The following PDE4D variants were observed in gnomAD, a reference collection of about 807,000 sequenced individuals.
PDE4D encodes the protein 3',5'-cyclic-AMP phosphodiesterase 4D.
In PDE4D, 24 loss-of-function variants were observed where a neutral mutation model predicts 87.4. That is an observed-to-expected ratio of 0.27 (90% confidence interval 0.20 to 0.39). PDE4D has a LOEUF of 0.39. Ranked by LOEUF, PDE4D falls within the 10% of genes least tolerant of loss-of-function variation. The pLI, the probability that PDE4D is intolerant of heterozygous loss-of-function variation, is 1.00. For synonymous variants in PDE4D, 384 were observed against 383.2 expected (o/e 1.00, Z -0.02); for missense variants, 714 against 1,041.0 (o/e 0.69, Z 4.32).
intron 6 of PDE4D, among the ~76,000 whole-genome samples, chr5:58,996,447 T>A (rs747725376): frequency 6.6e-6 from 1 of 152,194 alleles, no homozygotes; most frequent in Admixed American, 6.5e-5. Flanking sequence ...AAAGTTGCTA[T>A]TAAGAACTAC....
rs1262136832 is a variant in PDE4D, at chr5:60,378,052, T to C, written c.-90+109890A>G. Among the ~76,000 whole-genome samples, 20 of 152,360 alleles carry C rather than the reference T, an allele frequency of 1.3e-4. 1 individual carries two copies. The highest frequency in any genetic ancestry group is 1.9e-4 in the East Asian group (1 of 5,182). On this transcript the variant is annotated intron_variant, in intron 1 of 16. Transcript: ENST00000502484. Reference sequence around the variant, plus strand: ...AATAGAACTATATTGTTTTGTCCAATGGGTGAATCATAATTGCCCAGTTGG... The same window carrying C: ...AATAGAACTATATTGTTTTGTCCAACGGGTGAATCATAATTGCCCAGTTGG...
At chr5:60,508,249 G>A (rs1004721737) in intron 1 of PDE4D, among the ~76,000 whole-genome samples, 1 of 152,276 alleles carries the variant, frequency 6.6e-6, no homozygotes, top group South Asian at 2.1e-4. Flanking sequence ...GACTCTAGTC[G>A]ATACCTGTTC....
chr5:59,830,158 T>A (rs1020869347), intron 1 of PDE4D, among the ~76,000 whole-genome samples: 6 of 152,068 alleles, frequency 3.9e-5, no homozygotes, highest in Middle Eastern at 3.4e-3. Flanking sequence ...TGTATTTGAG[T>A]TAATGACAAG....
chr5:59,307,892 C>T (rs1771726076), intron 1 of PDE4D, among the ~76,000 whole-genome samples: 2 of 151,922 alleles, frequency 1.3e-5, no homozygotes, highest in South Asian at 2.1e-4. Flanking sequence ...AATCATGCTG[C>T]TATAAAGACA....
At chr5:59,130,554 T>C (rs191366551) in intron 5 of PDE4D, among the ~76,000 whole-genome samples, 1 of 152,222 alleles carries the variant, frequency 6.6e-6, no homozygotes, top group African/African-American at 2.4e-5. Flanking sequence ...AGAAGCAAAT[T>C]ACAGCCATGA....
At chr5:59,272,797 C>G (rs925983309) in intron 1 of PDE4D, among the ~76,000 whole-genome samples, 11 of 152,046 alleles carry the variant, frequency 7.2e-5, no homozygotes, top group Non-Finnish European at 1.5e-4. Context: ...CATGAAATCC[C>G]ATTTAAAATG....
chr5:59,533,927 C>G (rs1814680302), intron 1 of PDE4D, among the ~76,000 whole-genome samples: 1 of 152,058 alleles, frequency 6.6e-6, no homozygotes, highest in African/African-American at 2.4e-5. Context: ...GCAATTAAGG[C>G]TAAGTCATAT....
intron 1 of PDE4D, among the ~76,000 whole-genome samples, chr5:60,385,746 T>C (rs1032572417): frequency 3.9e-5 from 6 of 152,214 alleles, no homozygotes; most frequent in Non-Finnish European, 8.8e-5. Context: ...CTCTGTTTTG[T>C]ACTTACTACT....
Position 60,059,040 on chromosome 5 carries a change from ATGTG to A in PDE4D, c.43-70327_43-70324del, listed in dbSNP as rs70975363. On this transcript the variant is annotated intron_variant, in intron 2 of 16. Transcript: ENST00000502484. ...TATCTATCTTTTTTGGCATTGTCATATGTGTGTGTGTGTGTGTGTGTGTGTGTGT... is the reference window on the plus strand; with the variant it reads ...TATCTATCTTTTTTGGCATTGTCATATGTGTGTGTGTGTGTGTGTGTGTGT... 3.4e-3 allele frequency among the ~76,000 whole-genome samples: 488 copies of A among 142,418 alleles called. 3 individuals are homozygous for A. Among genetic ancestry groups the A allele is most frequent in the African/African-American group, 0.011 (440 of 38,582 alleles). 93.4% of individuals were successfully genotyped at this position (142,418 alleles called of 152,430 possible).
intron 1 of PDE4D, among the ~76,000 whole-genome samples, chr5:59,349,292 T>C (rs1009040797): frequency 6.6e-6 from 1 of 151,848 alleles, no homozygotes; most frequent in Non-Finnish European, 1.5e-5. Flanking sequence ...ATAATGGAAG[T>C]TAGGAGGAGG....
At chr5:60,425,836 A>G (rs956530749) in intron 1 of PDE4D, among the ~76,000 whole-genome samples, 3 of 152,246 alleles carry the variant, frequency 2.0e-5, no homozygotes, top group Non-Finnish European at 4.4e-5. Flanking sequence ...CAAGTTTACA[A>G]GAAAAAAACA....
chr5:60,092,022 G>C (rs1050890494), intron 2 of PDE4D, among the ~76,000 whole-genome samples: 1 of 125,738 alleles, frequency 8.0e-6, no homozygotes, highest in Admixed American at 1.0e-4. Flanking sequence ...CTGCGCTCCA[G>C]CCTGGGCGAC....
chr5:58,992,345 A>C (rs899218594), intron 7 of PDE4D, among the ~76,000 whole-genome samples: 1 of 152,204 alleles, frequency 6.6e-6, no homozygotes, highest in African/African-American at 2.4e-5. Flanking sequence ...GTTCAATTCC[A>C]TTCCTTTGTG....
intron 1 of PDE4D, among the ~76,000 whole-genome samples, chr5:59,745,990 G>GT (rs1759549897): frequency 6.6e-6 from 1 of 152,104 alleles, no homozygotes; most frequent in African/African-American, 2.4e-5. Context: ...GCATCATCTT[G>GT]TAAAAGTATT....
At chr5:59,430,415 T>C in intron 1 of PDE4D, 1 of 1,231,140 alleles carries the variant, frequency 8.1e-7, no homozygotes, top group Non-Finnish European at 1.0e-6. Flanking sequence ...CTTGGCAAAC[T>C]CATTATATCC....
intron 2 of PDE4D, among the ~76,000 whole-genome samples, chr5:60,090,203 C>A (rs889005717): frequency 2.0e-5 from 3 of 151,978 alleles, no homozygotes; most frequent in African/African-American, 7.2e-5. Context: ...TATCCTGATG[C>A]CAAAACTAGA....
intron 2 of PDE4D, among the ~76,000 whole-genome samples, chr5:60,045,178 T>C (rs1274883772): frequency 1.3e-5 from 2 of 151,950 alleles, no homozygotes; most frequent in Admixed American, 1.3e-4. Context: ...GAGAAGTGTC[T>C]GTTCATGTCC....
chr5:59,613,193 T>G (rs1011907040), intron 1 of PDE4D, among the ~76,000 whole-genome samples: 1 of 152,128 alleles, frequency 6.6e-6, no homozygotes, highest in Non-Finnish European at 1.5e-5. Flanking sequence ...GAAAGAATGC[T>G]GGCTGGATTT....
At chr5:60,118,007 G>A (rs1462934735) in intron 2 of PDE4D, among the ~76,000 whole-genome samples, 2 of 152,110 alleles carry the variant, frequency 1.3e-5, no homozygotes, top group African/African-American at 4.8e-5. Flanking sequence ...TTATCTTCAT[G>A]TTGTTTGACA....
Sources: allele counts gnomAD v4.1 joint callset (sites outside exome capture counted in the v4.1 genomes callset), GRCh38; gene constraint gnomAD v4.1.1; transcripts MANE v1.5; gene names NCBI Gene and HGNC (gene_info 2026-07-23, HGNC 2026-07-21).